The following TENM3 variants were observed in gnomAD, a reference collection of about 807,000 sequenced individuals.
TENM3 encodes teneurin transmembrane protein 3, also known as teneurin-3.
Under a neutral mutation model 255.1 loss-of-function variants are expected in TENM3, and 63 were observed. That is an observed-to-expected ratio of 0.25 (90% confidence interval 0.20 to 0.30). TENM3 has a LOEUF of 0.30. Among genes scored for constraint, TENM3 ranks in the 10% least tolerant of loss-of-function variants. TENM3 has a pLI of 1.00. For missense variants in TENM3, 2,929 were observed against 3,461.1 expected (o/e 0.85, Z 3.86); for synonymous variants, 1,306 against 1,322.3 (o/e 0.99, Z 0.27).
At chr4:182,774,381 G>A (rs1210209297) in intron 23 of TENM3, among the ~76,000 whole-genome samples, 1 of 152,168 alleles carries the variant, frequency 6.6e-6, no homozygotes, top group Non-Finnish European at 1.5e-5. Flanking sequence ...TGAGGCAGTA[G>A]TCTACAATAT....
chr4:182,326,046 T>C (rs1763378845), intron 2 of TENM3, among the ~76,000 whole-genome samples: 2 of 152,082 alleles, frequency 1.3e-5, no homozygotes, highest in African/African-American at 4.8e-5. Flanking sequence ...TATTCCTCAC[T>C]CCTTCCAAGC....
At chr4:182,128,341 T>C in the TENM3 span, among the ~76,000 whole-genome samples, 1 of 152,064 alleles carries the variant, frequency 6.6e-6, no homozygotes, top group African/African-American at 2.4e-5. Flanking sequence ...TTTCTTTCTT[T>C]TCTTATTTTT....
At chr4:182,306,166 T>C (rs1762120081) in intron 1 of TENM3, among the ~76,000 whole-genome samples, 1 of 152,106 alleles carries the variant, frequency 6.6e-6, no homozygotes, top group Non-Finnish European at 1.5e-5. Context: ...TGAACCATAC[T>C]TACATTTGAA....
chr4:181,804,174 G>A, the TENM3 span, among the ~76,000 whole-genome samples: 1 of 150,372 alleles, frequency 6.7e-6, no homozygotes, highest in Non-Finnish European at 1.5e-5. Flanking sequence ...AAAGAAGGAA[G>A]GAAAGAAGGG....
chr4:182,166,057 C>T (rs990609151), intron 1 of TENM3, among the ~76,000 whole-genome samples: 1 of 152,132 alleles, frequency 6.6e-6, no homozygotes, highest in East Asian at 1.9e-4. Context: ...GGATTACAGG[C>T]GTGAGCCACC....
chr4:182,305,456 A>G (rs978520676), intron 1 of TENM3, among the ~76,000 whole-genome samples: 29 of 152,314 alleles, frequency 1.9e-4, no homozygotes, highest in African/African-American at 6.5e-4. Context: ...GGATTTGTTG[A>G]ACAAGAAAAC....
chr4:181,852,446 C>A, the TENM3 span, among the ~76,000 whole-genome samples: 1 of 152,150 alleles, frequency 6.6e-6, no homozygotes, highest in Non-Finnish European at 1.5e-5. Flanking sequence ...CTCACTTTTC[C>A]TATTTAAAAC....
At chr4:181,856,080 AAG>A in the TENM3 span, among the ~76,000 whole-genome samples, 1 of 136,864 alleles carries the variant, frequency 7.3e-6, no homozygotes, top group East Asian at 2.2e-4. Context: ...AGGAAGAAGG[AAG>A]GAAGGAAGGA....
the TENM3 span, among the ~76,000 whole-genome samples, chr4:182,078,003 G>A: frequency 7.9e-5 from 12 of 152,062 alleles, no homozygotes; most frequent in African/African-American, 1.9e-4. Flanking sequence ...AACTGGTATC[G>A]TTCCAGCATA....
chr4:182,101,363 G>A, the TENM3 span, among the ~76,000 whole-genome samples: 919 of 150,622 alleles, frequency 6.1e-3, 6 homozygotes, highest in African/African-American at 0.021. Context: ...AGGGAGGGAG[G>A]GAGGGAAGGA....
chr4:182,360,050 C>T (rs1028395853), intron 3 of TENM3, among the ~76,000 whole-genome samples: 10 of 151,952 alleles, frequency 6.6e-5, no homozygotes, highest in African/African-American at 2.4e-4. Flanking sequence ...TTTCTTAATC[C>T]TGAGTTCTAG....
the TENM3 span, among the ~76,000 whole-genome samples, chr4:181,971,954 G>T: frequency 6.6e-6 from 1 of 151,882 alleles, no homozygotes; most frequent in Admixed American, 6.6e-5. Context: ...TATCGGCAAC[G>T]TCTCTCCTAC....
the TENM3 span, among the ~76,000 whole-genome samples, chr4:181,631,477 A>G: frequency 2.6e-5 from 4 of 151,948 alleles, no homozygotes; most frequent in African/African-American, 7.3e-5. Flanking sequence ...TTTTTAGTAG[A>G]GGCAGGGTTT....
chr4:182,255,552 T>G (rs1442791500), intron 1 of TENM3, among the ~76,000 whole-genome samples: 2 of 152,200 alleles, frequency 1.3e-5, no homozygotes, highest in Non-Finnish European at 2.9e-5. Context: ...GCAAGCATCT[T>G]TAGCAACTAC....
the TENM3 span, among the ~76,000 whole-genome samples, chr4:181,499,932 A>G: frequency 2.6e-5 from 4 of 152,202 alleles, no homozygotes; most frequent in African/African-American, 7.2e-5. Context: ...ATACTGCTCC[A>G]GCACATCTTC....
chr4:182,258,741 G>C (rs890578005), intron 1 of TENM3, among the ~76,000 whole-genome samples: 30 of 152,264 alleles, frequency 2.0e-4, no homozygotes, highest in African/African-American at 7.2e-4. Context: ...ATTTTTGTAA[G>C]AGACCATGCA....
At chr4:181,988,117 CT>C in the TENM3 span, among the ~76,000 whole-genome samples, 1 of 152,096 alleles carries the variant, frequency 6.6e-6, no homozygotes, top group African/African-American at 2.4e-5. Flanking sequence ...CCTCATGCCC[CT>C]GATGTCTCTG....
chr4:182,388,912 G>C (rs1768207260), intron 3 of TENM3, among the ~76,000 whole-genome samples: 1 of 152,208 alleles, frequency 6.6e-6, no homozygotes, highest in Non-Finnish European at 1.5e-5. Context: ...AGATGGAGGT[G>C]ATGTTCTAGG....
At chr4:182,192,893 C>T (rs1579661591) in intron 1 of TENM3, among the ~76,000 whole-genome samples, 1 of 152,168 alleles carries the variant, frequency 6.6e-6, no homozygotes, top group Non-Finnish European at 1.5e-5. Flanking sequence ...ACAAAGCTTT[C>T]CTAAACTTCT....
Sources: allele counts gnomAD v4.1 joint callset (sites outside exome capture counted in the v4.1 genomes callset), GRCh38; gene constraint gnomAD v4.1.1; transcripts MANE v1.5; gene names NCBI Gene and HGNC (gene_info 2026-07-23, HGNC 2026-07-21).